The following PCDHA4 variants were observed in gnomAD, a reference collection of about 807,000 sequenced individuals.
The protein encoded by PCDHA4 is protocadherin alpha-4.
Under a neutral mutation model 61.4 loss-of-function variants are expected in PCDHA4, and 49 were observed. That is an observed-to-expected ratio of 0.80 (90% confidence interval 0.63 to 1.01). The LOEUF (loss-of-function observed/expected upper bound fraction) is 1.01. Ranked by LOEUF, PCDHA4 falls within the 50% of genes least tolerant of loss-of-function variation. The pLI is 0.00. For synonymous variants in PCDHA4, 590 were observed against 550.3 expected, an observed-to-expected ratio of 1.07 and a Z score of -1.01; for missense variants, 1,254 against 1,235.8, an observed-to-expected ratio of 1.01 and a Z score of -0.22.
chr5:140,953,648 A>C (rs2094921161), intron 1 of PCDHA4, among the ~76,000 whole-genome samples: 1 of 152,150 alleles, frequency 6.6e-6, no homozygotes, highest in Non-Finnish European at 1.5e-5. Flanking sequence ...CAGGAGCTAT[A>C]GTTGTTATCT....
Position 140,857,574 on chromosome 5 carries a change from T to G in PCDHA4, c.2385+48002T>G, listed in dbSNP as rs1452756689. On this transcript the variant is annotated intron_variant, in intron 1 of 3. Coordinates refer to ENST00000530339, the MANE Select transcript of PCDHA4 (RefSeq NM_018907.4). ...CGCTCGCTGTCGAGCTACGTGTCGGTGCACGCGGAGAGCGGCAAGGTGTAC... is the reference window on the plus strand; with the variant it reads ...CGCTCGCTGTCGAGCTACGTGTCGGGGCACGCGGAGAGCGGCAAGGTGTAC... 26 of 1,596,616 alleles carry G rather than the reference T, an allele frequency of 1.6e-5. 3 individuals carry two copies. Among genetic ancestry groups the G allele is most frequent in the Non-Finnish European group, 2.1e-5 (25 of 1,167,676 alleles).
intron 1 of PCDHA4, among the ~76,000 whole-genome samples, chr5:140,896,209 T>C (rs1489640114): frequency 6.6e-6 from 1 of 152,238 alleles, no homozygotes; most frequent in African/African-American, 2.4e-5. Context: ...AACATACACA[T>C]ACATGTGTCT....
At chr5:140,928,878 G>A (rs1563110550) in intron 1 of PCDHA4, 6 of 1,614,194 alleles carry the variant, frequency 3.7e-6, no homozygotes, top group Non-Finnish European at 4.2e-6. Flanking sequence ...CTGTCCCTCA[G>A]TTACTTCCAG....
intron 1 of PCDHA4, among the ~76,000 whole-genome samples, chr5:140,973,810 T>C (rs1179978402): frequency 6.6e-6 from 1 of 152,230 alleles, no homozygotes; most frequent in Non-Finnish European, 1.5e-5. Context: ...CTTGACAGAA[T>C]AGCAAAGTCA....
chr5:140,993,459 TTC>T lies in PCDHA4; in HGVS notation c.2533+10899_2533+10900del, dbSNP rs202191067. Among the ~76,000 whole-genome samples the T allele has an allele frequency of 6.6e-3, 550 of 83,072 alleles. 5 individuals carry two copies. The highest frequency in any genetic ancestry group is 0.016 in the African/African-American group (346 of 21,866). The allele number at this position is 83,072 out of a possible 152,430, so 54.5% of individuals were successfully genotyped here. ...ATTCATTCCTGTTCTCCTTCTTTCTTTCTCACACACACACACACACACACACA... is the reference window on the plus strand; with the variant it reads ...ATTCATTCCTGTTCTCCTTCTTTCTTTCACACACACACACACACACACACA... On this transcript the variant is annotated intron_variant, in intron 3 of 3. Transcript: ENST00000530339.
rs150074715 is a variant in PCDHA4, at chr5:140,835,873, T to G, written c.2385+26301T>G. The G allele has an allele frequency of 6.4e-4, 1,037 of 1,611,964 alleles. 10 individuals carry two copies. Among genetic ancestry groups the G allele is most frequent in the Admixed American group, 1.9e-3 (111 of 59,998 alleles). On this transcript the variant is annotated intron_variant, in intron 1 of 3. Transcript: ENST00000530339. Reference sequence around the variant, plus strand: ...CTGGTGTCCTACTCGCTGGTGGAGCTGCGGGTGGGCGAGCGCGCGCTGTCG... The same window carrying G: ...CTGGTGTCCTACTCGCTGGTGGAGCGGCGGGTGGGCGAGCGCGCGCTGTCG...
intron 1 of PCDHA4, chr5:140,811,575 A>T (rs1418966783): frequency 3.3e-5 from 5 of 152,212 alleles, no homozygotes; most frequent in Admixed American, 1.3e-4. Context: ...GAATCGCCAC[A>T]CTGTCTTCCA....
intron 1 of PCDHA4, chr5:140,841,596 G>A (rs782464159): frequency 6.2e-7 from 1 of 1,614,094 alleles, no homozygotes; most frequent in Non-Finnish European, 8.5e-7. Flanking sequence ...CGGATCGACC[G>A]CGAGGAGCTG....
chr5:141,009,654 C>T lies in PCDHA4; in HGVS notation c.2561C>T (p.Pro854Leu). 4 of 1,614,012 alleles carry T rather than the reference C, an allele frequency of 2.5e-6. No individual in the cohort carries two copies. The highest frequency in any genetic ancestry group is 3.4e-6 in the Non-Finnish European group (4 of 1,179,962). The change falls in exon 4 of 4, where the codon CCA becomes CTA. Residue 854 changes from proline to leucine, a missense_variant. Pro to Leu is a moderately conservative substitution (Grantham distance 98, BLOSUM62 -3). Coordinates refer to ENST00000530339, the MANE Select transcript of PCDHA4 (RefSeq NM_018907.4). ...CCAGAGGCAGGAGAAGTGTCCCCTC[C>T]AGTCGGTGCGGGTGTCAACAGCAAC... ...PEPEAGEVSP[P>L]VGAGVNSNSW...
intron 1 of PCDHA4, chr5:140,869,322 C>G (rs1169893950): frequency 6.2e-7 from 1 of 1,613,820 alleles, no homozygotes; most frequent in Admixed American, 1.7e-5. Flanking sequence ...CACATGGGGA[C>G]CTTCTGGAGG....
intron 1 of PCDHA4, among the ~76,000 whole-genome samples, chr5:140,910,536 C>G (rs1554194300): frequency 1.3e-5 from 2 of 152,168 alleles, no homozygotes; most frequent in African/African-American, 4.8e-5. Flanking sequence ...CCTCACAAAT[C>G]TATTTTGCAA....
chr5:140,854,252 TA>T, intron 1 of PCDHA4: 1 of 628,060 alleles, frequency 1.6e-6, no homozygotes, highest in Non-Finnish European at 2.0e-6. Flanking sequence ...TCACTTGGTA[TA>T]AAATGTACAT....
chr5:140,822,753 A>T (rs1554128874), intron 1 of PCDHA4: 2 of 1,613,818 alleles, frequency 1.2e-6, no homozygotes, highest in South Asian at 2.2e-5. Context: ...ATAAAAGTAC[A>T]TTCCCATTAT....
chr5:140,846,687 T>C (rs1554141460), intron 1 of PCDHA4, among the ~76,000 whole-genome samples: 1 of 149,376 alleles, frequency 6.7e-6, no homozygotes, highest in East Asian at 1.9e-4. Context: ...AATGCTTTCT[T>C]AGCAAGTAGA....
intron 1 of PCDHA4, among the ~76,000 whole-genome samples, chr5:140,837,613 G>A (rs1775147694): frequency 6.7e-6 from 1 of 149,168 alleles, no homozygotes. Flanking sequence ...TTTATAATTT[G>A]CCCCTTCCTT....
At chr5:140,932,415 T>C (rs1183410119) in intron 1 of PCDHA4, among the ~76,000 whole-genome samples, 2 of 151,922 alleles carry the variant, frequency 1.3e-5, no homozygotes, top group African/African-American at 4.8e-5. Context: ...GTTATATTAG[T>C]GTATTGTTCA....
intron 3 of PCDHA4, among the ~76,000 whole-genome samples, chr5:140,996,245 G>A (rs2097718426): frequency 6.6e-6 from 1 of 152,220 alleles, no homozygotes; most frequent in South Asian, 2.1e-4. Context: ...AGGCTGAGAA[G>A]TGACAGCAAC....
At chr5:140,899,654 GTC>G (rs1197760857) in intron 1 of PCDHA4, among the ~76,000 whole-genome samples, 4 of 152,276 alleles carry the variant, frequency 2.6e-5, no homozygotes, top group African/African-American at 9.6e-5. Context: ...ATTTGGTTGT[GTC>G]TCTGCCCGGC....
rs2150224135 is a variant in PCDHA4, at chr5:140,834,676, G to A, written c.2385+25104G>A. The A allele has an allele frequency of 3.3e-5, 53 of 1,614,126 alleles. No individual in the cohort carries two copies. Among genetic ancestry groups the A allele is most frequent in the Non-Finnish European group, 4.2e-5 (50 of 1,180,052 alleles). On this transcript the variant is annotated intron_variant, in intron 1 of 3. Coordinates refer to ENST00000530339, the MANE Select transcript of PCDHA4 (RefSeq NM_018907.4). ...ATCGACCGCGAGGAGCTGTGCGGGC[G>A]GAGCGCGGAGTGCAGCATCCACCTG...
Sources: allele counts gnomAD v4.1 joint callset (sites outside exome capture counted in the v4.1 genomes callset), GRCh38; gene constraint gnomAD v4.1.1; transcripts MANE v1.5; gene names NCBI Gene and HGNC (gene_info 2026-07-23, HGNC 2026-07-21).